The following DSTYK variants were observed in gnomAD, a reference collection of about 807,000 sequenced individuals.
The protein encoded by DSTYK is RIP-homologous kinase.
DSTYK carries 34 observed loss-of-function variants against 98.7 expected under a neutral mutation model. The observed-to-expected ratio is 0.34, with a 90% confidence interval of 0.26 to 0.46. The LOEUF (loss-of-function observed/expected upper bound fraction) is 0.46. Among genes scored for constraint, DSTYK ranks in the 20% least tolerant of loss-of-function variants. DSTYK has a pLI of 1.00. For missense variants in DSTYK, 962 were observed against 1,181.7 expected, an observed-to-expected ratio of 0.81 and a Z score of 2.73; for synonymous variants, 462 against 457.3, an observed-to-expected ratio of 1.01 and a Z score of -0.13.
Position 205,199,988 on chromosome 1 carries a change from ATAGGCTGATTTTCCTC to A in DSTYK, c.265+11267_265+11282del, listed in dbSNP as rs373759590. 1.9e-4 allele frequency among the ~76,000 whole-genome samples: 29 copies of A among 152,336 alleles called. No homozygotes were observed. In the East Asian group the frequency reaches 5.4e-3, roughly 28 times the overall value. ...ATATAATTTTTCCATCAAAGAGAAA[ATAGGCTGATTTTCCTC>A]TACTGTCAGAAAGTGGGCAGAACAT... On this transcript the variant is annotated intron_variant, in intron 1 of 12. Transcript: ENST00000367162.
At chr1:205,178,376 T>G (rs1658293729) in intron 2 of DSTYK, among the ~76,000 whole-genome samples, 1 of 152,130 alleles carries the variant, frequency 6.6e-6, no homozygotes, top group Non-Finnish European at 1.5e-5. Flanking sequence ...CCCAGGTATC[T>G]ACTGATGCAG....
chr1:205,174,440 A>G (rs1658164658), intron 2 of DSTYK, among the ~76,000 whole-genome samples: 1 of 150,936 alleles, frequency 6.6e-6, no homozygotes, highest in Non-Finnish European at 1.5e-5. Context: ...TTGAACCCAG[A>G]AGGAGGAGGT....
At chr1:205,157,164 A>T in intron 10 of DSTYK, 109 bp downstream of exon 10, 7 of 854,806 alleles carry the variant, frequency 8.2e-6, no homozygotes, top group Non-Finnish European at 1.1e-5. Context: ...GGACTAATAC[A>T]CTTTCTGTGA....
chr1:205,163,650 T>G, intron 4 of DSTYK, 73 bp downstream of exon 4: 3 of 1,244,614 alleles, frequency 2.4e-6, no homozygotes, highest in Non-Finnish European at 3.4e-6. Context: ...TTGCCTAATT[T>G]GAAGTGTGGA....
chr1:205,150,578 C>G lies in DSTYK; in HGVS notation c.2467+102G>C. 1.1e-6 allele frequency: 1 copy of G among 927,332 alleles called. No individual in the cohort carries two copies. Among genetic ancestry groups the G allele is most frequent in the South Asian group, 1.5e-5 (1 of 64,650 alleles). 57.4% of individuals were successfully genotyped at this position (927,332 alleles called of 1,614,324 possible). A position where few individuals can be genotyped will look rare whatever the true frequency, so the allele number is the denominator to read the frequency against. On this transcript the variant is annotated intron_variant, in intron 11 of 12. Coordinates refer to ENST00000367162, the MANE Select transcript of DSTYK (RefSeq NM_015375.3). This position sits in a 1 kb window ranked among gnomAD's most constrained non-coding sequence, Gnocchi z 4.1. The stretch of plus-strand genomic sequence containing the variant: ...TGATCTGGTTTCTCCCTTGCCTGTG[C>G]CAGACCTGCCAGTAGTGATTGTGGA...
At position 205,151,679 on chromosome 1, in the gene DSTYK, T is replaced by C. The variant is rs569784532; in HGVS notation, c.2353-885A>G. On this transcript the variant is annotated intron_variant, in intron 10 of 12. Transcript: ENST00000367162. ...TGGGGTCTTTCTCTGTTGTCCAGGC[T>C]GGTTATAGGCTTTCTTTTTTTTTTT... 4.6e-4 allele frequency among the ~76,000 whole-genome samples: 64 copies of C among 139,948 alleles called. No individual in the cohort carries two copies. In the South Asian group the frequency reaches 0.014, roughly 30 times the overall value. 91.8% of individuals were successfully genotyped at this position (139,948 alleles called of 152,430 possible).
intron 1 of DSTYK, among the ~76,000 whole-genome samples, chr1:205,198,669 T>C (rs556359464): frequency 1.3e-5 from 2 of 152,274 alleles, no homozygotes; most frequent in East Asian, 3.9e-4. Flanking sequence ...GTAACCTAGC[T>C]GCATTTGTGA....
intron 2 of DSTYK, among the ~76,000 whole-genome samples, chr1:205,179,042 T>C (rs1191321839): frequency 6.6e-6 from 1 of 151,304 alleles, no homozygotes; most frequent in Non-Finnish European, 1.5e-5. Flanking sequence ...GGTGAGAGGA[T>C]CACTTGAGCC....
intron 2 of DSTYK, among the ~76,000 whole-genome samples, chr1:205,183,204 G>C (rs906798796): frequency 1.3e-5 from 2 of 152,182 alleles, no homozygotes; most frequent in African/African-American, 4.8e-5. Context: ...ATGCTTGAAG[G>C]AAAGGCAGGA....
intron 1 of DSTYK, 110 bp downstream of exon 1, chr1:205,211,161 C>T (rs1000388770): frequency 1.5e-5 from 21 of 1,432,042 alleles, no homozygotes; most frequent in Middle Eastern, 5.2e-4. Flanking sequence ...GACACGACTG[C>T]CCCTTTCCGC....
intron 3 of DSTYK, among the ~76,000 whole-genome samples, chr1:205,164,726 G>T (rs1176252559): frequency 6.6e-6 from 1 of 152,160 alleles, no homozygotes; most frequent in Non-Finnish European, 1.5e-5. Flanking sequence ...CTCCCAAAGT[G>T]CTGGGATTAC....
intron 7 of DSTYK, 148 bp from the exon 8 acceptor site, chr1:205,160,418 C>T: frequency 1.4e-6 from 1 of 735,244 alleles, no homozygotes; most frequent in Non-Finnish European, 2.2e-6. Context: ...TCACTGCAAC[C>T]TCTGCCTCCT....
chr1:205,189,334 T>C (rs759974897), intron 1 of DSTYK, among the ~76,000 whole-genome samples: 1 of 152,200 alleles, frequency 6.6e-6, no homozygotes, highest in Non-Finnish European at 1.5e-5. Flanking sequence ...ACTATATCAC[T>C]TCCTTATTCC....
At chr1:205,200,665 G>A (rs1432923409) in intron 1 of DSTYK, among the ~76,000 whole-genome samples, 1 of 152,164 alleles carries the variant, frequency 6.6e-6, no homozygotes, top group Non-Finnish European at 1.5e-5. Context: ...TCAGTTAGTT[G>A]GACAGAGTGG....
In DSTYK at chr1:205,150,685, A is replaced by G. The variant is rs769787380; in HGVS notation, c.2462T>C (p.Phe821Ser). ...TGCCTGCCCTCCAGCCTTACCTGTGAAAAGTTCAGGGGCCATATGGATTGG... is the reference window on the plus strand; with the variant it reads ...TGCCTGCCCTCCAGCCTTACCTGTGGAAAGTTCAGGGGCCATATGGATTGG... Reference protein sequence around the residue: ...GTPIHMAPELFTGKYDNSVDV... With the variant: ...GTPIHMAPELSTGKYDNSVDV... Residue 821 changes from phenylalanine (F) to serine (S), a missense_variant, in exon 11 of 13, where the codon TTC becomes TCC. By Grantham distance (155) the Phe-to-Ser change is radical. Around this residue, in one of 4 missense-constraint regions of DSTYK, gnomAD observed 69 missense variants for 142.9 expected, o/e 0.48. Coordinates refer to ENST00000367162, the MANE Select transcript of DSTYK (RefSeq NM_015375.3). This position sits in a 1 kb window ranked among gnomAD's most constrained non-coding sequence, Gnocchi z 4.1. The G allele has an allele frequency of 6.2e-7, 1 of 1,613,446 alleles. No individual in the cohort carries two copies. Among genetic ancestry groups the G allele is most frequent in the South Asian group, 1.1e-5 (1 of 91,056 alleles).
intron 3 of DSTYK, among the ~76,000 whole-genome samples, chr1:205,164,485 G>A (rs759444470): frequency 6.2e-5 from 9 of 145,978 alleles, no homozygotes; most frequent in African/African-American, 1.5e-4. Context: ...TTTTTGAGAC[G>A]GAGTCTCGCT....
intron 2 of DSTYK, among the ~76,000 whole-genome samples, chr1:205,174,739 A>ATTTTTT (rs201713692): frequency 7.6e-6 from 1 of 132,044 alleles, no homozygotes; most frequent in Admixed American, 7.9e-5. Flanking sequence ...TTTATTTTTA[A>ATTTTTT]TTTTTTTTTT....
chr1:205,150,825 G>T lies in DSTYK; in HGVS notation c.2353-31C>A. 1 of 1,574,252 alleles carries T rather than the reference G, an allele frequency of 6.4e-7. No individual in the cohort carries two copies. On this transcript the variant is annotated intron_variant, in intron 10 of 12. Transcript: ENST00000367162. This position sits in a 1 kb window ranked among gnomAD's most constrained non-coding sequence, Gnocchi z 4.1. ...AACAAAGCAGGGCAAGAGTCACCTT[G>T]TTTCTGATCCTGCACACAGCACTGC...
At chr1:205,182,345 G>A (rs984628608) in intron 2 of DSTYK, among the ~76,000 whole-genome samples, 4 of 151,666 alleles carry the variant, frequency 2.6e-5, no homozygotes, top group Admixed American at 1.3e-4. Flanking sequence ...AGCCAAGATC[G>A]TACCACTGTA....
Sources: allele counts gnomAD v4.1 joint callset (sites outside exome capture counted in the v4.1 genomes callset), GRCh38; gene constraint gnomAD v4.1.1; regional missense constraint gnomAD v4.1.1; non-coding constraint Gnocchi (gnomAD v3.1); transcripts MANE v1.5; gene names NCBI Gene and HGNC (gene_info 2026-07-23, HGNC 2026-07-21).